Variants in FARS2 observed in about 807,000 individuals in gnomAD.
The protein encoded by FARS2 is phenylalanyl-tRNA synthetase 2, mitochondrial.
In FARS2, 40 loss-of-function variants were observed where a neutral mutation model predicts 46.4. That is an observed-to-expected ratio of 0.86 (90% CI 0.67 to 1.12). The LOEUF is 1.12. Among genes scored for constraint, FARS2 ranks in the 50% most tolerant of loss-of-function variants. The pLI is 0.00. For synonymous variants in FARS2, 234 were observed against 214.9 expected, an observed-to-expected ratio of 1.09 and a Z score of -0.78; for missense variants, 513 against 567.9, an observed-to-expected ratio of 0.90 and a Z score of 0.98.
intron 4 of FARS2, among the ~76,000 whole-genome samples, chr6:5,536,546 A>G (rs1055809274): frequency 6.6e-6 from 1 of 152,198 alleles, no homozygotes; most frequent in Non-Finnish European, 1.5e-5. Context: ...TAATATGTTG[A>G]TACTCTAATC....
intron 3 of FARS2, among the ~76,000 whole-genome samples, chr6:5,424,786 A>G (rs900731925): frequency 2.0e-5 from 3 of 152,204 alleles, no homozygotes; most frequent in Admixed American, 6.5e-5. Context: ...TCAAAACAAA[A>G]CAATTTATAA....
intron 1 of FARS2, among the ~76,000 whole-genome samples, chr6:5,315,425 T>C (rs988470750): frequency 1.3e-5 from 2 of 152,252 alleles, no homozygotes; most frequent in Non-Finnish European, 2.9e-5. Flanking sequence ...CATTTTGGTC[T>C]GTTGACATAA....
intron 4 of FARS2, among the ~76,000 whole-genome samples, chr6:5,507,539 G>A (rs1768170823): frequency 6.6e-6 from 1 of 152,214 alleles, no homozygotes; most frequent in African/African-American, 2.4e-5. Context: ...TCCCCTGACA[G>A]GAGTGTGTAA....
At chr6:5,714,742 C>T (rs972301840) in intron 6 of FARS2, among the ~76,000 whole-genome samples, 28 of 151,860 alleles carry the variant, frequency 1.8e-4, no homozygotes, top group African/African-American at 5.8e-4. Context: ...ACTTCACATC[C>T]GGCCAGGCGC....
intron 4 of FARS2, among the ~76,000 whole-genome samples, chr6:5,506,321 G>A (rs146105035): frequency 4.5e-4 from 69 of 152,294 alleles, no homozygotes; most frequent in African/African-American, 1.5e-3. Context: ...TCACTCTAAC[G>A]GAAGTTTTTT....
At chr6:5,514,099 T>C (rs1387102127) in intron 4 of FARS2, among the ~76,000 whole-genome samples, 1 of 151,534 alleles carries the variant, frequency 6.6e-6, no homozygotes, top group African/African-American at 2.4e-5. Context: ...CATATATATA[T>C]ATATATATAT....
intron 1 of FARS2, among the ~76,000 whole-genome samples, chr6:5,292,584 A>G (rs68061889): frequency 0.26 from 40,141 of 152,072 alleles, 6,823 homozygotes; most frequent in African/African-American, 0.48. Flanking sequence ...GTGGTGGTTG[A>G]TACCATTCAC....
chr6:5,434,482 AC>A (rs1763407476), intron 4 of FARS2, among the ~76,000 whole-genome samples: 1 of 152,206 alleles, frequency 6.6e-6, no homozygotes, highest in Admixed American at 6.5e-5. Flanking sequence ...ATTTTATAGA[AC>A]GGATTCTGTG....
chr6:5,734,115 G>T (rs1433747632), intron 6 of FARS2, among the ~76,000 whole-genome samples: 2 of 152,134 alleles, frequency 1.3e-5, no homozygotes, highest in Non-Finnish European at 2.9e-5. Flanking sequence ...GTCCCTTCTT[G>T]GCAAGTTCCA....
At position 5,460,654 on chromosome 6, in the gene FARS2, A is replaced by G. The variant is rs185252912; in HGVS notation, c.904+29482A>G. On this transcript the variant is annotated intron_variant, in intron 4 of 6. Transcript: ENST00000274680. ...GCTGCAGTCCAAGGATCAGAACCTT[A>G]CATTGCAGCTACTGCCTCTTGATAC... Among the ~76,000 whole-genome samples, 488 of 152,344 alleles carry G rather than the reference A, an allele frequency of 3.2e-3. 4 individuals are homozygous for G. Among genetic ancestry groups the G allele is most frequent in the African/African-American group, 0.011 (466 of 41,576 alleles).
At chr6:5,317,810 C>T (rs564092208) in intron 1 of FARS2, among the ~76,000 whole-genome samples, 4 of 151,886 alleles carry the variant, frequency 2.6e-5, no homozygotes, top group African/African-American at 9.7e-5. Context: ...TTAATACCAG[C>T]CAAACAAATT....
intron 6 of FARS2, among the ~76,000 whole-genome samples, chr6:5,676,529 A>G (rs549306499): frequency 1.8e-4 from 27 of 152,366 alleles, no homozygotes; most frequent in Non-Finnish European, 3.4e-4. Context: ...GAGCAGAGCT[A>G]GCAATAAGGA....
At chr6:5,530,696 CAAT>C (rs900217666) in intron 4 of FARS2, among the ~76,000 whole-genome samples, 12 of 144,996 alleles carry the variant, frequency 8.3e-5, no homozygotes, top group Non-Finnish European at 1.2e-4. Context: ...ATATATATAA[CAAT>C]AACAATATCT....
At position 5,634,394 on chromosome 6, in the gene FARS2, C is replaced by T. The variant is rs182360380; in HGVS notation, c.1217+21074C>T. 8.7e-3 allele frequency among the ~76,000 whole-genome samples: 1,318 copies of T among 152,306 alleles called. 10 individuals carry two copies. Among genetic ancestry groups the T allele is most frequent in the Non-Finnish European group, 0.014 (927 of 68,026 alleles). On this transcript the variant is annotated intron_variant, in intron 6 of 6. Transcript: ENST00000274680. ...CACAGTTCACTGCAGCCTTGACCTT[C>T]CGGGCTCAAGCAAGCCTCCTGTGTC...
At chr6:5,628,153 C>G (rs77244035) in intron 6 of FARS2, among the ~76,000 whole-genome samples, 2,784 of 152,270 alleles carry the variant, frequency 0.018, 68 homozygotes, top group African/African-American at 0.063. Context: ...GAAACCCTTT[C>G]TGACAGGAAC....
chr6:5,472,093 CT>C (rs1233970604), intron 4 of FARS2, among the ~76,000 whole-genome samples: 1 of 152,180 alleles, frequency 6.6e-6, no homozygotes, highest in Non-Finnish European at 1.5e-5. Context: ...GCTCAGCCCC[CT>C]CCGACCTCAT....
intron 4 of FARS2, among the ~76,000 whole-genome samples, chr6:5,459,807 T>A (rs1765135388): frequency 6.6e-6 from 1 of 152,198 alleles, no homozygotes; most frequent in Non-Finnish European, 1.5e-5. Context: ...TATTTCTTCC[T>A]CCTTAGAGGC....
At chr6:5,650,853 A>G (rs541340209) in intron 6 of FARS2, among the ~76,000 whole-genome samples, 2 of 152,154 alleles carry the variant, frequency 1.3e-5, no homozygotes, top group Admixed American at 6.5e-5. Flanking sequence ...GTGTGCTCCA[A>G]TGGGAAGGGT....
intron 6 of FARS2, among the ~76,000 whole-genome samples, chr6:5,701,691 G>GAAAT (rs1188388404): frequency 1.3e-5 from 2 of 152,162 alleles, no homozygotes; most frequent in African/African-American, 4.8e-5. Flanking sequence ...GCAATGCAGA[G>GAAAT]AAATAGTCAT....
Sources: allele counts gnomAD v4.1 joint callset (sites outside exome capture counted in the v4.1 genomes callset), GRCh38; gene constraint gnomAD v4.1.1; transcripts MANE v1.5; gene names NCBI Gene and HGNC (gene_info 2026-07-23, HGNC 2026-07-21).